Variants in CAMKMT observed in about 807,000 individuals in gnomAD.
CAMKMT encodes the protein calmodulin-lysine N-methyltransferase, also known as CaM KMT.
A neutral mutation model predicts 48.0 loss-of-function variants in CAMKMT; 53 were observed. The observed-to-expected ratio is 1.10, with a 90% confidence interval of 0.89 to 1.39. The LOEUF is 1.39. Among genes scored for constraint, CAMKMT ranks in the 40% most tolerant of loss-of-function variants. The probability of loss-of-function intolerance (pLI) is 0.00; values close to 1 mark genes in which losing one functional copy is unlikely to be tolerated. For missense variants in CAMKMT, 428 were observed against 402.7 expected, an observed-to-expected ratio of 1.06 and a Z score of -0.54; for synonymous variants, 165 against 152.3, an observed-to-expected ratio of 1.08 and a Z score of -0.61.
At chr2:44,603,594 G>A (rs1347487863) in intron 3 of CAMKMT, among the ~76,000 whole-genome samples, 2 of 152,138 alleles carry the variant, frequency 1.3e-5, no homozygotes, top group Non-Finnish European at 2.9e-5. Context: ...TACTTCACTA[G>A]AGTTTTTCAT....
chr2:44,572,058 G>A (rs1340293030), intron 3 of CAMKMT, among the ~76,000 whole-genome samples: 2 of 152,006 alleles, frequency 1.3e-5, no homozygotes, highest in African/African-American at 4.8e-5. Flanking sequence ...GTATATTTAT[G>A]TTGTTGTGCA....
intron 7 of CAMKMT, among the ~76,000 whole-genome samples, chr2:44,728,600 T>C (rs1047671328): frequency 6.6e-6 from 1 of 152,144 alleles, no homozygotes; most frequent in African/African-American, 2.4e-5. Flanking sequence ...GAAGTTGATG[T>C]TGGTCTATGC....
chr2:44,671,566 T>A (rs661275), intron 3 of CAMKMT, among the ~76,000 whole-genome samples: 35,645 of 152,060 alleles, frequency 0.23, 4,302 homozygotes, highest in South Asian at 0.31. Context: ...TGCCAGTGGC[T>A]CTCCACCCTC....
rs550701358 is a variant in CAMKMT, at chr2:44,643,458, T to C, written c.377-60825T>C. ...GTTGGAAAAGTGAGAGAGGTCTAGA[T>C]GGAGGAAAAAGAGCTTGAACAGTTC... On this transcript the variant is annotated intron_variant, in intron 3 of 10. Transcript: ENST00000378494. Among the ~76,000 whole-genome samples, 7 of 152,244 alleles carry C rather than the reference T, an allele frequency of 4.6e-5. No individual in the cohort carries two copies. In the East Asian group the frequency reaches 1.2e-3, roughly 25 times the overall value.
At chr2:44,435,344 A>G (rs775976817) in intron 3 of CAMKMT, among the ~76,000 whole-genome samples, 6 of 152,032 alleles carry the variant, frequency 3.9e-5, no homozygotes, top group Admixed American at 1.3e-4. Context: ...CACGCATCCA[A>G]AAAAAAATTC....
chr2:44,529,222 C>A (rs1223222), intron 3 of CAMKMT, among the ~76,000 whole-genome samples: 97,004 of 152,020 alleles, frequency 0.64, 31,529 homozygotes, highest in Middle Eastern at 0.68. Flanking sequence ...TTATGAACTC[C>A]TAGATTTTTT....
chr2:44,472,399 T>A (rs1242744039), intron 3 of CAMKMT, among the ~76,000 whole-genome samples: 2 of 152,220 alleles, frequency 1.3e-5, no homozygotes, highest in East Asian at 3.8e-4. Context: ...ATAAAGTACA[T>A]ACCATAGTAG....
rs543265954 is a variant in CAMKMT at position 44,565,007 on chromosome 2, C to G, written c.377-139276C>G. 3.9e-5 allele frequency among the ~76,000 whole-genome samples: 6 copies of G among 152,344 alleles called. No homozygotes were observed. The South Asian group carries it at 1.2e-3, about 32-fold the overall frequency. On this transcript the variant is annotated intron_variant, in intron 3 of 10. Transcript: ENST00000378494. The stretch of plus-strand genomic sequence containing the variant: ...TTTCCAGGGCTATCCACTGTTTCCT[C>G]ACTTGGTCTGCCTGGCGTTGCTGTC...
intron 3 of CAMKMT, among the ~76,000 whole-genome samples, chr2:44,477,814 A>G (rs1392917307): frequency 6.6e-6 from 1 of 152,244 alleles, no homozygotes; most frequent in Non-Finnish European, 1.5e-5. Context: ...ATTCAGGACT[A>G]TTAGCATATT....
chr2:44,622,342 T>A (rs948107515), intron 3 of CAMKMT, among the ~76,000 whole-genome samples: 6 of 152,240 alleles, frequency 3.9e-5, no homozygotes, highest in African/African-American at 1.4e-4. Flanking sequence ...CTTTTTCTTT[T>A]AAAAAACATT....
intron 3 of CAMKMT, among the ~76,000 whole-genome samples, chr2:44,651,454 C>A (rs532227012): frequency 6.6e-5 from 10 of 152,234 alleles, no homozygotes; most frequent in Non-Finnish European, 1.3e-4. Context: ...TAGGCCGAGG[C>A]GGGTGGATCA....
At chr2:44,420,466 C>T (rs1683857699) in intron 3 of CAMKMT, among the ~76,000 whole-genome samples, 1 of 152,022 alleles carries the variant, frequency 6.6e-6, no homozygotes. Flanking sequence ...TTGCATATAA[C>T]TTTTGACTAT....
At chr2:44,453,939 G>T (rs557823939) in intron 3 of CAMKMT, among the ~76,000 whole-genome samples, 1 of 152,110 alleles carries the variant, frequency 6.6e-6, no homozygotes, top group Non-Finnish European at 1.5e-5. Flanking sequence ...TTTGGAAATG[G>T]ATATAAAGCT....
At chr2:44,727,009 TG>T (rs1234785800) in intron 7 of CAMKMT, among the ~76,000 whole-genome samples, 1 of 152,222 alleles carries the variant, frequency 6.6e-6, no homozygotes, top group Non-Finnish European at 1.5e-5. Context: ...CAAGCTGTTT[TG>T]GTGACTATGG....
At chr2:44,386,351 T>C (rs192237293) in intron 2 of CAMKMT, among the ~76,000 whole-genome samples, 1 of 152,228 alleles carries the variant, frequency 6.6e-6, no homozygotes, top group African/African-American at 2.4e-5. Context: ...TTCAGTGGTG[T>C]CATTTGCAGT....
chr2:44,656,235 A>G lies in CAMKMT; in HGVS notation c.377-48048A>G, dbSNP rs113731512. 2.0e-3 allele frequency among the ~76,000 whole-genome samples: 309 copies of G among 152,264 alleles called. 1 individual carries two copies. In the Middle Eastern group the frequency reaches 0.024, roughly 12 times the overall value. ...AATGTTATTTATTGGAAATATTTTA[A>G]TTGTCTTTATGTAAGGCTGTGATGG... is the stretch of plus-strand genomic sequence containing the variant. On this transcript the variant is annotated intron_variant, in intron 3 of 10. Coordinates refer to ENST00000378494, the MANE Select transcript of CAMKMT (RefSeq NM_024766.5).
intron 3 of CAMKMT, among the ~76,000 whole-genome samples, chr2:44,651,668 A>G (rs1251929989): frequency 2.0e-5 from 3 of 152,242 alleles, no homozygotes; most frequent in Non-Finnish European, 2.9e-5. Flanking sequence ...AAAGTCAGCA[A>G]CAGTGAGATA....
At chr2:44,447,004 C>T (rs550218939) in intron 3 of CAMKMT, among the ~76,000 whole-genome samples, 2 of 152,192 alleles carry the variant, frequency 1.3e-5, no homozygotes, top group Admixed American at 6.5e-5. Flanking sequence ...TAATGTAACT[C>T]GTATTCCTGA....
chr2:44,453,801 C>G (rs567263050), intron 3 of CAMKMT, among the ~76,000 whole-genome samples: 37 of 152,130 alleles, frequency 2.4e-4, no homozygotes, highest in African/African-American at 8.7e-4. Flanking sequence ...AATGAAATTT[C>G]TCATTTTTCT....
Sources: allele counts gnomAD v4.1 joint callset (sites outside exome capture counted in the v4.1 genomes callset), GRCh38; gene constraint gnomAD v4.1.1; transcripts MANE v1.5; gene names NCBI Gene and HGNC (gene_info 2026-07-23, HGNC 2026-07-21).